C2CD2: variants seen among roughly 807,000 people sequenced by gnomAD.
C2CD2 encodes the protein C2 domain-containing protein 2.
C2CD2 carries 43 observed loss-of-function variants against 74.3 expected under a neutral mutation model. The ratio of observed to expected loss-of-function variants is 0.58; its 90% CI spans 0.45 to 0.75. The LOEUF is 0.75. Among genes scored for constraint, C2CD2 ranks in the 30% least tolerant of loss-of-function variants. The pLI is 0.00. For synonymous variants in C2CD2, 422 were observed against 390.7 expected, an observed-to-expected ratio of 1.08 and a Z score of -0.94; for missense variants, 801 against 916.3, an observed-to-expected ratio of 0.87 and a Z score of 1.63.
chr21:41,920,889 G>A (rs1487459116), intron 3 of C2CD2, among the ~76,000 whole-genome samples: 1 of 152,332 alleles, frequency 6.6e-6, no homozygotes, highest in Non-Finnish European at 1.5e-5. Flanking sequence ...TGCATCAAAT[G>A]TTGGGTAAAT....
intron 13 of C2CD2, chr21:41,894,750 G>A (rs2064801434): frequency 2.2e-6 from 1 of 456,700 alleles, no homozygotes. Context: ...CAATGGGAAA[G>A]CCTGTTTCGA....
chr21:41,917,123 C>T (rs2065328), intron 5 of C2CD2, among the ~76,000 whole-genome samples: 9,289 of 152,268 alleles, frequency 0.061, 417 homozygotes, highest in South Asian at 0.12. Context: ...CTTCTGCATA[C>T]TGCAGGCTTC....
In C2CD2 at chr21:41,895,098, G is replaced by C. The variant is rs2064807167; in HGVS notation, c.1870+3955C>G. The C allele has an allele frequency of 2.5e-6, 1 of 393,002 alleles. No individual in the cohort carries two copies. Among genetic ancestry groups the C allele is most frequent in the African/African-American group, 2.1e-5 (1 of 48,566 alleles). 24.3% of individuals were successfully genotyped at this position (393,002 alleles called of 1,614,324 possible). ...ACTTTAAGGAAAGGAGATTATCCTG[G>C]AGAATGTGGGTAGGCCTCATCCAAT... is the stretch of plus-strand genomic sequence containing the variant. On this transcript the variant is annotated intron_variant, in intron 13 of 13. Transcript: ENST00000380486. The surrounding 1 kb of genome is among the most constrained non-coding windows in gnomAD (Gnocchi z 5.0).
At chr21:41,940,897 T>G (rs1330925079) in intron 2 of C2CD2, among the ~76,000 whole-genome samples, 1 of 152,226 alleles carries the variant, frequency 6.6e-6, no homozygotes, top group African/African-American at 2.4e-5. Flanking sequence ...AGCTGGCCTT[T>G]GGATTTGCTA....
intron 12 of C2CD2, among the ~76,000 whole-genome samples, chr21:41,900,191 G>T (rs528481854): frequency 6.6e-6 from 1 of 152,102 alleles, no homozygotes; most frequent in Non-Finnish European, 1.5e-5. Context: ...GGAGAATGGC[G>T]TGAACCTGGG....
intron 13 of C2CD2, among the ~76,000 whole-genome samples, chr21:41,890,205 TATC>T (rs530917055): frequency 4.5e-4 from 69 of 152,252 alleles, no homozygotes; most frequent in Non-Finnish European, 9.0e-4. Flanking sequence ...TTCCAGATCC[TATC>T]ATATTAGGCT....
chr21:41,907,979 G>A lies in C2CD2; in HGVS notation c.1019-195C>T, dbSNP rs1171236144. The stretch of plus-strand genomic sequence containing the variant: ...AAAGAAAGGCTGTGGAAACGCTGCA[G>A]GACAGAGGATGCTAAAGCAATAAGA... On this transcript the variant is annotated intron_variant, in intron 8 of 13. Coordinates refer to ENST00000380486, the MANE Select transcript of C2CD2 (RefSeq NM_015500.2). The A allele has an allele frequency of 8.0e-6, 5 of 621,784 alleles. No homozygotes were observed. In the East Asian group the frequency reaches 1.4e-4, roughly 18 times the overall value. 38.5% of individuals were successfully genotyped at this position (621,784 alleles called of 1,614,324 possible).
At chr21:41,889,514 T>A (rs2064723566) in intron 13 of C2CD2, among the ~76,000 whole-genome samples, 170 bp from the exon 14 acceptor site, 1 of 152,188 alleles carries the variant, frequency 6.6e-6, no homozygotes, top group African/African-American at 2.4e-5. Context: ...GGAATCTGGC[T>A]TGTACAAAAC....
intron 3 of C2CD2, among the ~76,000 whole-genome samples, chr21:41,921,597 G>C (rs2065154533): frequency 6.6e-6 from 1 of 152,314 alleles, no homozygotes; most frequent in South Asian, 2.1e-4. Context: ...CCCCACGGCA[G>C]CCACTCAGCT....
rs768050698 is a variant in C2CD2, at chr21:41,918,896, G to A, written c.557C>T (p.Pro186Leu). ...GGGCTGGATATTAACGGCCATTTCC[G>A]GCACACTGATGAAAGACCAGCTAAT... Reference protein sequence around the residue: ...LQISWSFISVPEMAVNIQPKA... With the variant: ...LQISWSFISVLEMAVNIQPKA... The change falls in exon 4 of 14, where the codon CCG (proline) becomes CTG (leucine). Residue 186 changes from proline (P) to leucine (L), a missense_variant. Coordinates refer to ENST00000380486, the MANE Select transcript of C2CD2 (RefSeq NM_015500.2). 27 of 1,614,000 alleles carry A rather than the reference G, an allele frequency of 1.7e-5. No individual in the cohort carries two copies. In the South Asian group the frequency reaches 1.8e-4, roughly 11 times the overall value.
At position 41,912,354 on chromosome 21, in the gene C2CD2, T is replaced by C; in HGVS notation, c.931A>G (p.Met311Val). 1 of 1,611,264 alleles carries C rather than the reference T, an allele frequency of 6.2e-7. No homozygotes were observed. Among genetic ancestry groups the C allele is most frequent in the Non-Finnish European group, 8.5e-7 (1 of 1,178,768 alleles). The change falls in exon 7 of 14, where the codon ATG becomes GTG. Residue 311 changes from methionine to valine, a missense_variant. Transcript: ENST00000380486. Reference protein sequence around the residue: ...STLTKNTPDLMWEEEFTFELN... With the variant: ...STLTKNTPDLVWEEEFTFELN... ...CACAAGGTGAATTCCTCTTCCCACA[T>C]GAGGTCCGGAGTGTTTTTCGTCAGG...
intron 10 of C2CD2, 105 bp from the exon 11 acceptor site, chr21:41,905,942 G>A (rs1382043325): frequency 1.2e-5 from 9 of 734,788 alleles, no homozygotes; most frequent in African/African-American, 3.4e-5. Context: ...GGTGTGTGCA[G>A]TTGGTAAAGG....
intron 13 of C2CD2, among the ~76,000 whole-genome samples, chr21:41,890,352 G>A (rs1436811531): frequency 6.6e-6 from 1 of 152,134 alleles, no homozygotes; most frequent in Non-Finnish European, 1.5e-5. Context: ...TATCCATCAG[G>A]TAGTAGAATA....
At chr21:41,915,658 T>C (rs960019945) in intron 5 of C2CD2, among the ~76,000 whole-genome samples, 2 of 152,158 alleles carry the variant, frequency 1.3e-5, no homozygotes, top group Non-Finnish European at 2.9e-5. Flanking sequence ...CAGGCTGGTC[T>C]CGAAATCTCC....
chr21:41,948,683 C>T (rs1012116540), intron 1 of C2CD2, among the ~76,000 whole-genome samples: 11 of 151,920 alleles, frequency 7.2e-5, no homozygotes, highest in African/African-American at 2.7e-4. Flanking sequence ...CACAGTTCTA[C>T]CAACTGGCTT....
intron 2 of C2CD2, among the ~76,000 whole-genome samples, chr21:41,932,788 G>A (rs1263025778): frequency 1.3e-5 from 2 of 150,706 alleles, no homozygotes; most frequent in African/African-American, 2.4e-5. Flanking sequence ...ACCGCACTCT[G>A]TGTAGACTAT....
rs1601611789 is a variant in C2CD2 at position 41,953,753 on chromosome 21, G to A, written c.-105C>T. ...GCGGCCACAGCGCGCTGGGGGCGTG[G>A]AGGGGGCGCGGCGGGGTCGGAGCCC... On this transcript the variant is annotated 5_prime_UTR_variant, in exon 1 of 14. Coordinates refer to ENST00000380486, the MANE Select transcript of C2CD2 (RefSeq NM_015500.2). 2 of 1,098,130 alleles carry A rather than the reference G, an allele frequency of 1.8e-6. No individual in the cohort carries two copies. Among genetic ancestry groups the A allele is most frequent in the African/African-American group, 1.6e-5 (1 of 61,218 alleles). The allele number at this position is 1,098,130 out of a possible 1,614,324, so 68.0% of individuals were successfully genotyped here.
At chr21:41,925,215 G>C (rs1228755359) in intron 2 of C2CD2, among the ~76,000 whole-genome samples, 2 of 152,144 alleles carry the variant, frequency 1.3e-5, no homozygotes, top group Non-Finnish European at 2.9e-5. Context: ...GCCGAGTGTG[G>C]TGGCTCACGC....
rs1321922794 is a variant in C2CD2, at chr21:41,926,303, A to T, written c.379-4218T>A. 4.8e-6 allele frequency: 1 copy of T among 208,672 alleles called. No homozygotes were observed. Among genetic ancestry groups the T allele is most frequent in the Non-Finnish European group, 8.4e-6 (1 of 119,674 alleles). 12.9% of individuals were successfully genotyped at this position (208,672 alleles called of 1,614,324 possible). On this transcript the variant is annotated intron_variant, in intron 2 of 13. Transcript: ENST00000380486. The surrounding 1 kb of genome is among the most constrained non-coding windows in gnomAD (Gnocchi z 8.0). ...AGGGTGAACTTTGTATTCCAAATAA[A>T]CAGCTTCCTCTCTGTATAAGTGACA...
Sources: allele counts gnomAD v4.1 joint callset (sites outside exome capture counted in the v4.1 genomes callset), GRCh38; gene constraint gnomAD v4.1.1; non-coding constraint Gnocchi (gnomAD v3.1); transcripts MANE v1.5; gene names NCBI Gene and HGNC (gene_info 2026-07-23, HGNC 2026-07-21).